The following MICU1 variants were observed in gnomAD, a reference collection of about 807,000 sequenced individuals.
MICU1 encodes mitochondrial calcium uptake 1.
Under a neutral mutation model 56.8 loss-of-function variants are expected in MICU1, and 45 were observed. The ratio of observed to expected loss-of-function variants is 0.79; its 90% CI spans 0.62 to 1.02. The LOEUF is 1.02. Ranked by LOEUF, MICU1 falls within the 50% of genes least tolerant of loss-of-function variation. MICU1 has a pLI of 0.00. For synonymous variants in MICU1, 186 were observed against 195.1 expected (o/e 0.95, Z 0.39); for missense variants, 504 against 587.1 (o/e 0.86, Z 1.46).
rs146849369 is a variant in MICU1 at position 72,420,822 on chromosome 10, C to T, written c.1071+2412G>A. 1.3e-3 allele frequency among the ~76,000 whole-genome samples: 200 copies of T among 151,752 alleles called. 3 individuals are homozygous for T. Among genetic ancestry groups the T allele is most frequent in the African/African-American group, 3.5e-3 (146 of 41,428 alleles). On this transcript the variant is annotated intron_variant, in intron 9 of 11. Coordinates refer to ENST00000361114, the MANE Select transcript of MICU1 (RefSeq NM_001195518.2). ...TCCTGAGTAGCTGCGACTACATGCA[C>T]GTGCCACCATGCCTGGCTAGTTTTT...
intron 11 of MICU1, among the ~76,000 whole-genome samples, chr10:72,371,202 G>A (rs566682344): frequency 2.7e-5 from 4 of 147,746 alleles, no homozygotes; most frequent in South Asian, 2.2e-4. Flanking sequence ...TGGCTAACAC[G>A]GTGAAACCTC....
In MICU1 at chr10:72,430,850, G is replaced by A. The variant is rs562439687; in HGVS notation, c.934-7479C>T. ...GCTGGGATTACAGGCGTGAGCCACT[G>A]CACCTGGCCTATTATTTTCAATAGT... is the stretch of plus-strand genomic sequence containing the variant. On this transcript the variant is annotated intron_variant, in intron 8 of 11. Transcript: ENST00000361114. 8.0e-4 allele frequency among the ~76,000 whole-genome samples: 122 copies of A among 152,182 alleles called. 1 individual carries two copies. The Middle Eastern group carries it at 0.02, about 25-fold the overall frequency.
At chr10:72,411,477 A>G (rs1863812684) in intron 9 of MICU1, among the ~76,000 whole-genome samples, 1 of 151,806 alleles carries the variant, frequency 6.6e-6, no homozygotes. Flanking sequence ...ACAGGCGCCC[A>G]CCACTGCACC....
At position 72,592,907 on chromosome 10, in the gene MICU1, C is replaced by G. The variant is rs942004033; in HGVS notation, c.-1-26113G>C. 2.0e-5 allele frequency among the ~76,000 whole-genome samples: 3 copies of G among 151,868 alleles called. No individual in the cohort carries two copies. In the East Asian group the frequency reaches 5.8e-4, roughly 29 times the overall value. On this transcript the variant is annotated intron_variant, in intron 1 of 11. Transcript: ENST00000361114. ...AAGCGATTCTCCTGCCTCAGCCTCC[C>G]AAGTACCTGAAATTACAGGCACCTG...
intron 8 of MICU1, among the ~76,000 whole-genome samples, chr10:72,456,500 G>A (rs1865461457): frequency 6.6e-6 from 1 of 152,148 alleles, no homozygotes; most frequent in African/African-American, 2.4e-5. Context: ...ACTAAGGGAG[G>A]AACTGGAGCC....
chr10:72,611,109 C>G (rs1841833091), intron 1 of MICU1, among the ~76,000 whole-genome samples: 1 of 149,820 alleles, frequency 6.7e-6, no homozygotes, highest in African/African-American at 2.5e-5. Context: ...TGGAGACTAT[C>G]CTGGCTAACA....
intron 5 of MICU1, among the ~76,000 whole-genome samples, chr10:72,519,401 C>T (rs1027383013): frequency 1.3e-5 from 2 of 152,164 alleles, no homozygotes; most frequent in Non-Finnish European, 2.9e-5. Context: ...ATCTCAACTG[C>T]ACCATATCCT....
In MICU1 at chr10:72,475,154, G is replaced by A. The variant is rs1198175886; in HGVS notation, c.879C>T (p.Ile293=). 1.9e-6 allele frequency: 3 copies of A among 1,611,290 alleles called. No individual in the cohort carries two copies. Among genetic ancestry groups the A allele is most frequent in the Non-Finnish European group, 2.5e-6 (3 of 1,178,742 alleles). ...TACGCTGAAATTCGAGGAAGTTTTT[G>A]ATTGTCAGCTTTCCCTTCAGATCAG... ...FGADLKGKLT[I]KNFLEFQRKL... is the part of the protein sequence containing the mutation. Residue 293 remains isoleucine, a synonymous_variant, in exon 8 of 12, where the codon ATC becomes ATT. Coordinates refer to ENST00000361114, the MANE Select transcript of MICU1 (RefSeq NM_001195518.2).
intron 1 of MICU1, among the ~76,000 whole-genome samples, chr10:72,575,522 C>T (rs968949506): frequency 2.6e-5 from 4 of 152,176 alleles, no homozygotes; most frequent in African/African-American, 9.7e-5. Context: ...TGTGGCAACC[C>T]TGTTTCAAAC....
At chr10:72,424,365 G>A (rs1589203580) in intron 8 of MICU1, among the ~76,000 whole-genome samples, 1 of 152,048 alleles carries the variant, frequency 6.6e-6, no homozygotes, top group African/African-American at 2.4e-5. Context: ...CACTGGCCTC[G>A]GCCTCCCAAA....
chr10:72,600,648 CAAAAAAAAAAA>C (rs71021514), intron 1 of MICU1, among the ~76,000 whole-genome samples: 4 of 105,602 alleles, frequency 3.8e-5, no homozygotes, highest in African/African-American at 1.1e-4. Flanking sequence ...GACTCCGTCT[CAAAAAAAAAAA>C]AAAAAAAGAA....
chr10:72,421,015 A>T (rs1360138902), intron 9 of MICU1, among the ~76,000 whole-genome samples: 5 of 141,160 alleles, frequency 3.5e-5, no homozygotes, highest in East Asian at 2.0e-4. Flanking sequence ...AAAAAAAAAA[A>T]AAATAATAAT....
At chr10:72,510,198 G>A (rs11000334) in intron 5 of MICU1, among the ~76,000 whole-genome samples, 5 of 152,188 alleles carry the variant, frequency 3.3e-5, no homozygotes, top group East Asian at 1.9e-4. Context: ...ACAATCATCC[G>A]GGCCATGCTG....
At chr10:72,454,230 G>A (rs111242154) in intron 8 of MICU1, among the ~76,000 whole-genome samples, 6,451 of 148,552 alleles carry the variant, frequency 0.043, 442 homozygotes, top group African/African-American at 0.15. Flanking sequence ...CAAGGTGGGC[G>A]GATCACCTGA....
At chr10:72,610,443 C>T (rs556475573) in intron 1 of MICU1, among the ~76,000 whole-genome samples, 6 of 151,830 alleles carry the variant, frequency 4.0e-5, no homozygotes, top group Non-Finnish European at 8.8e-5. Flanking sequence ...AGAGAATTTA[C>T]TAAAAAGACT....
At chr10:72,378,076 CCT>C (rs1403107979) in intron 10 of MICU1, among the ~76,000 whole-genome samples, 1 of 152,036 alleles carries the variant, frequency 6.6e-6, no homozygotes, top group Non-Finnish European at 1.5e-5. Context: ...ATGGTGAAAC[CCT>C]GTCTCTACTA....
chr10:72,438,970 T>C (rs1212546948), intron 8 of MICU1, among the ~76,000 whole-genome samples: 1 of 152,110 alleles, frequency 6.6e-6, no homozygotes, highest in Non-Finnish European at 1.5e-5. Flanking sequence ...CTACCAGAGG[T>C]ACAAAAAGGA....
chr10:72,380,707 G>A (rs1030554131), intron 10 of MICU1, among the ~76,000 whole-genome samples: 1 of 152,198 alleles, frequency 6.6e-6, no homozygotes, highest in Non-Finnish European at 1.5e-5. Flanking sequence ...GATGGTAACA[G>A]AGCTGGGTCT....
intron 8 of MICU1, among the ~76,000 whole-genome samples, chr10:72,466,721 T>C (rs1207119044): frequency 1.3e-5 from 2 of 152,208 alleles, no homozygotes; most frequent in African/African-American, 4.8e-5. Flanking sequence ...AAGTGTTGGA[T>C]TGAAAGCCTT....
Sources: allele counts gnomAD v4.1 joint callset (sites outside exome capture counted in the v4.1 genomes callset), GRCh38; gene constraint gnomAD v4.1.1; transcripts MANE v1.5; gene names NCBI Gene and HGNC (gene_info 2026-07-23, HGNC 2026-07-21).